PIBF1: variants seen among roughly 807,000 people sequenced by gnomAD.
PIBF1 encodes progesterone immunomodulatory binding factor 1.
In PIBF1, 90 loss-of-function variants were observed where a neutral mutation model predicts 112.5. The observed-to-expected ratio is 0.80, with a 90% CI of 0.67 to 0.95. The LOEUF (loss-of-function observed/expected upper bound fraction) is 0.95. PIBF1 is among the 40% of genes least tolerant of loss of function. The pLI is 0.00. For synonymous variants in PIBF1, 301 were observed against 288.6 expected, an observed-to-expected ratio of 1.04 and a Z score of -0.44; for missense variants, 915 against 852.3, an observed-to-expected ratio of 1.07 and a Z score of -0.92.
intron 11 of PIBF1, among the ~76,000 whole-genome samples, chr13:72,902,327 C>T (rs188274866): frequency 2.6e-5 from 4 of 151,714 alleles, no homozygotes; most frequent in African/African-American, 4.8e-5. Flanking sequence ...CACAAATTAC[C>T]GCTAAAGAAC....
intron 14 of PIBF1, among the ~76,000 whole-genome samples, chr13:72,952,546 A>T (rs1428726992): frequency 6.6e-6 from 1 of 151,504 alleles, no homozygotes; most frequent in Non-Finnish European, 1.5e-5. Flanking sequence ...TCATATTGCC[A>T]GAATTATTTT....
chr13:72,846,495 TAAA>T (rs994062774), intron 9 of PIBF1, among the ~76,000 whole-genome samples: 35 of 152,184 alleles, frequency 2.3e-4, no homozygotes, highest in African/African-American at 8.4e-4. Flanking sequence ...TCTACTCAAA[TAAA>T]AAGGCTCCCC....
chr13:72,927,243 C>T (rs550372553), intron 13 of PIBF1, among the ~76,000 whole-genome samples: 6 of 152,052 alleles, frequency 3.9e-5, no homozygotes, highest in East Asian at 1.9e-4. Flanking sequence ...TGGTGGCTCA[C>T]GCCTGTAATC....
chr13:72,999,032 C>T, intron 17 of PIBF1, 37 bp downstream of exon 17: 1 of 1,303,036 alleles, frequency 7.7e-7, no homozygotes, highest in Non-Finnish European at 1.1e-6. Flanking sequence ...TTTTAATATT[C>T]CTGATTCTTA....
chr13:72,916,620 T>C lies in PIBF1; in HGVS notation c.1640-456T>C, dbSNP rs139107850. Among the ~76,000 whole-genome samples, 437 of 152,040 alleles carry C rather than the reference T, an allele frequency of 2.9e-3. 4 individuals carry two copies. Among genetic ancestry groups the C allele is most frequent in the African/African-American group, 9.8e-3 (406 of 41,512 alleles). ...TAGAGCTGCACAGTTTTTAATAGAG[T>C]AACCTACATAAGTACATAATTTTAT... is the stretch of plus-strand genomic sequence containing the variant. On this transcript the variant is annotated intron_variant, in intron 12 of 17. Transcript: ENST00000326291.
At chr13:72,967,656 G>A (rs2042777697) in intron 15 of PIBF1, among the ~76,000 whole-genome samples, 2 of 152,164 alleles carry the variant, frequency 1.3e-5, no homozygotes, top group African/African-American at 4.8e-5. Context: ...GTGTATCATA[G>A]TGATTAAAAG....
intron 5 of PIBF1, among the ~76,000 whole-genome samples, chr13:72,807,034 A>G (rs996108235): frequency 6.6e-6 from 1 of 151,174 alleles, no homozygotes; most frequent in African/African-American, 2.4e-5. Context: ...TTGTGTGTAT[A>G]TACCACATTT....
chr13:72,799,875 T>A (rs1370951829), intron 5 of PIBF1, among the ~76,000 whole-genome samples: 1 of 152,190 alleles, frequency 6.6e-6, no homozygotes, highest in Non-Finnish European at 1.5e-5. Context: ...CCTTAATATT[T>A]GGGACTTCTC....
At chr13:72,957,672 T>C (rs972867031) in intron 14 of PIBF1, among the ~76,000 whole-genome samples, 2 of 151,782 alleles carry the variant, frequency 1.3e-5, no homozygotes, top group African/African-American at 4.8e-5. Flanking sequence ...AATAAAAAAA[T>C]AATAATAAAA....
At chr13:72,995,474 T>A (rs971029241) in intron 16 of PIBF1, among the ~76,000 whole-genome samples, 5 of 151,992 alleles carry the variant, frequency 3.3e-5, no homozygotes, top group Admixed American at 2.0e-4. Flanking sequence ...TTAAAGTCCA[T>A]AAATAAATAA....
chr13:72,928,030 T>TATATATACACATATACATATATATAC (rs1566458750), intron 13 of PIBF1, among the ~76,000 whole-genome samples: 1 of 108,868 alleles, frequency 9.2e-6, no homozygotes, highest in South Asian at 2.6e-4. Context: ...TATATACATA[T>TATATATACACATATACATATATATAC]ATATATATAT....
chr13:72,810,518 A>G (rs2138057761), intron 5 of PIBF1, among the ~76,000 whole-genome samples: 1 of 152,364 alleles, frequency 6.6e-6, no homozygotes, highest in Middle Eastern at 3.4e-3. Context: ...AAGTATTCAT[A>G]TGTAAGTAAT....
intron 9 of PIBF1, among the ~76,000 whole-genome samples, chr13:72,850,775 A>AATCTG (rs2038109840): frequency 6.6e-6 from 1 of 151,560 alleles, no homozygotes. Context: ...AACTTTATCT[A>AATCTG]TAACATTAAT....
chr13:72,787,545 T>C (rs1172304099), intron 2 of PIBF1, among the ~76,000 whole-genome samples: 1 of 152,246 alleles, frequency 6.6e-6, no homozygotes, highest in Non-Finnish European at 1.5e-5. Context: ...AAAAGCCTGA[T>C]GGATCTGGTA....
chr13:72,919,164 A>T lies in PIBF1; in HGVS notation c.1730+1998A>T, dbSNP rs2041207625. Among the ~76,000 whole-genome samples the T allele has an allele frequency of 2.6e-5, 4 of 152,188 alleles. No homozygotes were observed. In the South Asian group the frequency reaches 8.3e-4, roughly 32 times the overall value. ...AGAGACATTGTACACTAAGAAAATG[A>T]CTCAGAAAATAGAACATCTATATGG... On this transcript the variant is annotated intron_variant, in intron 13 of 17. Transcript: ENST00000326291.
intron 2 of PIBF1, among the ~76,000 whole-genome samples, chr13:72,786,917 A>G (rs2034629677): frequency 6.6e-6 from 1 of 152,216 alleles, no homozygotes; most frequent in Non-Finnish European, 1.5e-5. Context: ...CTGTTGTAAG[A>G]TGCATCATTA....
At chr13:72,904,432 T>C (rs1185326306) in intron 11 of PIBF1, among the ~76,000 whole-genome samples, 11 of 120,804 alleles carry the variant, frequency 9.1e-5, no homozygotes, top group Non-Finnish European at 1.7e-5. Context: ...TCAAAATATT[T>C]CTTTTTTTTT....
At chr13:72,922,842 A>G (rs1051205931) in intron 13 of PIBF1, among the ~76,000 whole-genome samples, 2 of 152,176 alleles carry the variant, frequency 1.3e-5, no homozygotes, top group Admixed American at 6.5e-5. Flanking sequence ...TTTTCTATTC[A>G]TGATAAATTT....
At chr13:72,959,728 T>A (rs1223788610) in intron 14 of PIBF1, among the ~76,000 whole-genome samples, 1 of 152,228 alleles carries the variant, frequency 6.6e-6, no homozygotes, top group African/African-American at 2.4e-5. Flanking sequence ...AATCAAAAGA[T>A]ATAATGATGT....
Sources: gnomAD v4.1 joint callset for allele counts (sites outside exome capture counted in the v4.1 genomes callset) on GRCh38, gnomAD v4.1.1 for gene constraint, MANE v1.5 for transcripts, NCBI Gene and HGNC (gene_info 2026-07-23, HGNC 2026-07-21) for gene names.